Variants in IGDCC3 observed in about 807,000 individuals in gnomAD.
IGDCC3 encodes the protein putative neuronal cell adhesion molecule.
In IGDCC3, 47 loss-of-function variants were observed where a neutral mutation model predicts 72.0. That is an observed-to-expected ratio of 0.65 (90% CI 0.52 to 0.83). IGDCC3 has a LOEUF of 0.83. IGDCC3 is among the 40% of genes least tolerant of loss of function. The probability of loss-of-function intolerance (pLI) is 0.00; values close to 1 mark genes in which losing one functional copy is unlikely to be tolerated. For synonymous variants in IGDCC3, 477 were observed against 472.8 expected, an observed-to-expected ratio of 1.01 and a Z score of -0.11; for missense variants, 1,038 against 1,091.3, an observed-to-expected ratio of 0.95 and a Z score of 0.69.
chr15:65,328,625 TGTTA>T lies in IGDCC3; in HGVS notation c.*280_*283del, dbSNP rs2090944263. 2.9e-6 allele frequency: 1 copy of T among 343,830 alleles called. No homozygotes were observed. The highest frequency in any genetic ancestry group is 4.8e-5 in the Admixed American group (1 of 20,984). The allele number at this position is 343,830 out of a possible 1,614,324, so 21.3% of individuals were successfully genotyped here. A position where few individuals can be genotyped will look rare whatever the true frequency, so the allele number is the denominator to read the frequency against. ...TTAAGTTTTGCTTTTTAAAGAAAAA[TGTTA>T]GTTCAGTTCCAAGTCATGTGGGTAC... On this transcript the variant is annotated 3_prime_UTR_variant, in exon 14 of 14. Transcript: ENST00000327987.
In IGDCC3 at chr15:65,330,545, C is replaced by T; in HGVS notation, c.1753+5G>A. 1 of 1,612,622 alleles carries T rather than the reference C, an allele frequency of 6.2e-7. No individual in the cohort carries two copies. The highest frequency in any genetic ancestry group is 8.5e-7 in the Non-Finnish European group (1 of 1,179,552). ...CCCCTAGGCTCTGGGCTGTGTCTGC[C>T]TCACCGAGCTGGCTGAGGTTGTAGG... On this transcript the variant is annotated splice_donor_5th_base_variant and intron_variant, in intron 10 of 13. Transcript: ENST00000327987.
chr15:65,332,205 G>A, intron 6 of IGDCC3, 99 bp from the exon 7 acceptor site: 1 of 1,378,358 alleles, frequency 7.3e-7, no homozygotes, highest in Non-Finnish European at 9.8e-7. Context: ...TACACAGGGT[G>A]AGAGGTGGGC....
chr15:65,360,838 C>T (rs1274478478), intron 2 of IGDCC3, among the ~76,000 whole-genome samples: 1 of 152,102 alleles, frequency 6.6e-6, no homozygotes, highest in Non-Finnish European at 1.5e-5. Flanking sequence ...TACAGTGGTG[C>T]AATCTCAGCT....
intron 2 of IGDCC3, among the ~76,000 whole-genome samples, chr15:65,357,919 A>G (rs1264543819): frequency 6.6e-6 from 1 of 152,146 alleles, no homozygotes; most frequent in Non-Finnish European, 1.5e-5. Flanking sequence ...AAACAAAACA[A>G]AACAAAAAGA....
At chr15:65,338,664 C>T (rs1011694868) in intron 2 of IGDCC3, among the ~76,000 whole-genome samples, 9 of 152,174 alleles carry the variant, frequency 5.9e-5, no homozygotes, top group Admixed American at 2.0e-4. Context: ...TCTCTCAACT[C>T]TTTGGTCAGT....
chr15:65,350,758 G>A (rs1002763778), intron 2 of IGDCC3, among the ~76,000 whole-genome samples: 8 of 152,154 alleles, frequency 5.3e-5, no homozygotes, highest in Non-Finnish European at 8.8e-5. Context: ...CATGGTACCC[G>A]ACCAAGAGTC....
chr15:65,362,886 G>C (rs908772823), intron 2 of IGDCC3, among the ~76,000 whole-genome samples: 5 of 123,900 alleles, frequency 4.0e-5, no homozygotes, highest in Non-Finnish European at 6.4e-5. Context: ...ACAGAGTCTC[G>C]CTCTGTCACC....
intron 2 of IGDCC3, among the ~76,000 whole-genome samples, chr15:65,372,995 A>G (rs970393865): frequency 1.3e-5 from 2 of 152,160 alleles, no homozygotes; most frequent in Admixed American, 6.5e-5. Context: ...CAGGACCCCA[A>G]AGGATTAACC....
At chr15:65,364,123 GGTATCT>G (rs1420663874) in intron 2 of IGDCC3, among the ~76,000 whole-genome samples, 1 of 152,162 alleles carries the variant, frequency 6.6e-6, no homozygotes, top group South Asian at 2.1e-4. Context: ...CATGCCTCCA[GGTATCT>G]GCTTTTATTT....
rs1205922660 is a variant in IGDCC3, at chr15:65,330,380, C to A, written c.1771G>T (p.Glu591Ter). ...LSQLDPTAVY[E>*]VKLLAYNQHG... ...TGGTTGTAGGCGAGCAGCTTCACCTCATACACTGCAGTGGGGTCTGGAGGA... is the reference window on the plus strand; with the variant it reads ...TGGTTGTAGGCGAGCAGCTTCACCTAATACACTGCAGTGGGGTCTGGAGGA... Residue 591 changes from glutamate to a stop codon, truncating the protein, a stop_gained, in exon 11 of 14, where the codon GAG (glutamate) becomes TAG (stop). Transcript: ENST00000327987. LOFTEE classifies it high-confidence loss of function. 3 of 1,613,744 alleles carry A rather than the reference C, an allele frequency of 1.9e-6. No individual in the cohort carries two copies. The highest frequency in any genetic ancestry group is 2.5e-6 in the Non-Finnish European group (3 of 1,179,830).
intron 5 of IGDCC3, chr15:65,334,445 T>G: frequency 2.5e-6 from 1 of 405,582 alleles, no homozygotes; most frequent in Non-Finnish European, 4.3e-6. Context: ...GGTGCTGGGG[T>G]CCCCGAGGCC....
At chr15:65,347,502 ACT>A (rs1411543786) in intron 2 of IGDCC3, among the ~76,000 whole-genome samples, 1 of 152,110 alleles carries the variant, frequency 6.6e-6, no homozygotes, top group African/African-American at 2.4e-5. Context: ...AACCAGAGAA[ACT>A]CCATCTTAAA....
chr15:65,343,497 T>C (rs780617935), intron 2 of IGDCC3, among the ~76,000 whole-genome samples: 4 of 152,166 alleles, frequency 2.6e-5, no homozygotes, highest in Non-Finnish European at 5.9e-5. Context: ...GGGGTCCCAA[T>C]AGACAAGCTG....
At position 65,377,951 on chromosome 15, in the gene IGDCC3, G is replaced by C. The variant is rs1406937075; in HGVS notation, c.-163C>G. The C allele has an allele frequency of 1.7e-6, 1 of 587,434 alleles. No individual in the cohort carries two copies. The highest frequency in any genetic ancestry group is 6.1e-5 in the Admixed American group (1 of 16,504). 36.4% of individuals were successfully genotyped at this position (587,434 alleles called of 1,614,324 possible). On this transcript the variant is annotated 5_prime_UTR_variant, in exon 1 of 14. Coordinates refer to ENST00000327987, the MANE Select transcript of IGDCC3 (RefSeq NM_004884.4). This position sits in a 1 kb window ranked among gnomAD's most constrained non-coding sequence, Gnocchi z 4.9. ...GCATGCCTGCTCAGCAGCGCGGGGG[G>C]CGCAGGGGGAGCGCCGCTTGCGCCA...
intron 6 of IGDCC3, among the ~76,000 whole-genome samples, chr15:65,333,029 C>G (rs548589208): frequency 6.6e-6 from 1 of 152,254 alleles, no homozygotes; most frequent in African/African-American, 2.4e-5. Flanking sequence ...ACCCGGAGGG[C>G]ACGCAGAGGC....
At chr15:65,331,897 C>G (rs1387122696) in intron 7 of IGDCC3, 44 bp downstream of exon 7, 2 of 1,583,154 alleles carry the variant, frequency 1.3e-6, no homozygotes, top group Non-Finnish European at 8.6e-7. Context: ...CCCGCTTTCC[C>G]TGCTCTCCCC....
chr15:65,370,574 G>A (rs9744435), intron 2 of IGDCC3, among the ~76,000 whole-genome samples: 8 of 93,336 alleles, frequency 8.6e-5, no homozygotes, highest in African/African-American at 1.4e-4. Context: ...ATATATGTAT[G>A]TATATATATG....
chr15:65,346,559 C>T (rs750733081), intron 2 of IGDCC3, among the ~76,000 whole-genome samples: 1 of 151,912 alleles, frequency 6.6e-6, no homozygotes, highest in African/African-American at 2.4e-5. Flanking sequence ...CAGGATCAAG[C>T]GATTCTCCTA....
At chr15:65,337,505 TG>T (rs1411825843) in intron 2 of IGDCC3, among the ~76,000 whole-genome samples, 1 of 150,768 alleles carries the variant, frequency 6.6e-6, no homozygotes, top group African/African-American at 2.4e-5. Context: ...CTTGGGGCCC[TG>T]GGGGTGGGAG....
Sources: allele counts gnomAD v4.1 joint callset (sites outside exome capture counted in the v4.1 genomes callset), GRCh38; gene constraint gnomAD v4.1.1; non-coding constraint Gnocchi (gnomAD v3.1); transcripts MANE v1.5; gene names NCBI Gene and HGNC (gene_info 2026-07-23, HGNC 2026-07-21).